SV2B: variants seen among roughly 807,000 people sequenced by gnomAD.
SV2B encodes solute carrier family 22 member B2.
A neutral mutation model predicts 73.9 loss-of-function variants in SV2B; 41 were observed. The ratio of observed to expected loss-of-function variants is 0.56; its 90% CI spans 0.43 to 0.72. The LOEUF (loss-of-function observed/expected upper bound fraction) is 0.72, where lower values mean the gene tolerates loss of function less well. SV2B is among the 30% of genes least tolerant of loss of function. SV2B has a pLI of 0.00. For synonymous variants in SV2B, 314 were observed against 314.2 expected (o/e 1.00, Z 0.01); for missense variants, 764 against 857.8 (o/e 0.89, Z 1.37).
chr15:91,155,458 T>C (rs1567297633), intron 1 of SV2B, among the ~76,000 whole-genome samples: 1 of 152,184 alleles, frequency 6.6e-6, no homozygotes, highest in South Asian at 2.1e-4. Flanking sequence ...TATTCAATGT[T>C]TACCTAGATC....
rs916142965 is a variant in SV2B, at chr15:91,290,917, G to A, written c.1868+1237G>A. On this transcript the variant is annotated intron_variant, in intron 12 of 12. Transcript: ENST00000394232. This position sits in a 1 kb window ranked among gnomAD's most constrained non-coding sequence, Gnocchi z 4.7. The stretch of plus-strand genomic sequence containing the variant: ...TAGTCCTAGCTGCTCAGGAGGCTGA[G>A]GGGGAGAGCTGCGAGAGCCCCGGGG... 6.6e-6 allele frequency among the ~76,000 whole-genome samples: 1 copy of A among 151,998 alleles called. No homozygotes were observed. The highest frequency in any genetic ancestry group is 1.5e-5 in the Non-Finnish European group (1 of 67,996).
rs550138137 is a variant in SV2B, at chr15:91,105,107, G to A, written c.-392+4744G>A. Reference sequence around the variant, plus strand: ...TTCATTCACTAAATAAATATTTATTGAGTGGTCTCTATGTGCCAGGCATGT... The same window carrying A: ...TTCATTCACTAAATAAATATTTATTAAGTGGTCTCTATGTGCCAGGCATGT... On this transcript the variant is annotated intron_variant, in intron 1 of 12. Transcript: ENST00000394232. This position sits in a 1 kb window ranked among gnomAD's most constrained non-coding sequence, Gnocchi z 5.5. Among the ~76,000 whole-genome samples the A allele has an allele frequency of 3.0e-4, 46 of 152,250 alleles. No individual in the cohort carries two copies. Among genetic ancestry groups the A allele is most frequent in the African/African-American group, 1.1e-3 (45 of 41,536 alleles).
chr15:91,272,911 C>T (rs2048363679), intron 9 of SV2B, among the ~76,000 whole-genome samples: 1 of 143,330 alleles, frequency 7.0e-6, no homozygotes, highest in Non-Finnish European at 1.5e-5. Flanking sequence ...CAGCTCACTA[C>T]AGTCTCCGCC....
In SV2B at chr15:91,226,324, C is replaced by G. The variant is rs141522931; in HGVS notation, c.61C>G (p.Arg21Gly). 4 of 1,613,946 alleles carry G rather than the reference C, an allele frequency of 2.5e-6. No individual in the cohort carries two copies. In the African/African-American group the frequency reaches 4.0e-5, roughly 16 times the overall value. The change falls in exon 2 of 13, where the codon CGC (arginine) becomes GGC (glycine). Residue 21 changes from arginine (R) to glycine (G), a missense_variant. Transcript: ENST00000394232. ...GGYAPSDGYYRGNESNPEEDA... is the reference protein window; with the variant it reads ...GGYAPSDGYYGGNESNPEEDA... ...CTATGCTCCCAGTGATGGCTATTAC[C>G]GCGGCAATGAGTCCAACCCAGAAGA...
chr15:91,266,891 C>G (rs2048124912), intron 7 of SV2B, 199 bp downstream of exon 7: 3 of 437,446 alleles, frequency 6.9e-6, no homozygotes, highest in Non-Finnish European at 1.2e-5. Flanking sequence ...TGAAAACTCT[C>G]TAAATCTTAG....
In SV2B at chr15:91,231,004, C is replaced by T. The variant is rs893121408; in HGVS notation, c.451+4290C>T. 6.6e-6 allele frequency among the ~76,000 whole-genome samples: 1 copy of T among 152,072 alleles called. No individual in the cohort carries two copies. On this transcript the variant is annotated intron_variant, in intron 2 of 12. Coordinates refer to ENST00000394232, the MANE Select transcript of SV2B (RefSeq NM_001323032.3). This position sits in a 1 kb window ranked among gnomAD's most constrained non-coding sequence, Gnocchi z 4.5. ...ATTGCTCTATTAATGATTGTGTGAC[C>T]TTGGGCCAATCTGAAGTCTTTCTTC...
At chr15:91,142,146 C>T (rs369220539) in intron 1 of SV2B, among the ~76,000 whole-genome samples, 1 of 152,226 alleles carries the variant, frequency 6.6e-6, no homozygotes, top group Non-Finnish European at 1.5e-5. Flanking sequence ...CCCCTTGACT[C>T]TGACTTCTGC....
Position 91,298,032 on chromosome 15 carries a change from C to T in SV2B, c.*5480C>T, listed in dbSNP as rs980405157. 8 of 152,248 alleles carry T rather than the reference C, an allele frequency of 5.3e-5. No homozygotes were observed. Among genetic ancestry groups the T allele is most frequent in the Admixed American group, 1.3e-4 (2 of 15,290 alleles). The allele number at this position is 152,248 out of a possible 1,614,324, so 9.4% of individuals were successfully genotyped here. ...GATGGACCTCTGATTCTATAAGCTT[C>T]CCCCTAGCTAGGGATGCACGGGGGT... On this transcript the variant is annotated 3_prime_UTR_variant, in exon 13 of 13. Coordinates refer to ENST00000394232, the MANE Select transcript of SV2B (RefSeq NM_001323032.3). The surrounding 1 kb of genome is among the most constrained non-coding windows in gnomAD (Gnocchi z 5.4).
At chr15:91,169,755 G>A (rs1183329087) in intron 1 of SV2B, among the ~76,000 whole-genome samples, 1 of 152,140 alleles carries the variant, frequency 6.6e-6, no homozygotes, top group Non-Finnish European at 1.5e-5. Context: ...GGGTAGCGGC[G>A]GAAGGGTGTG....
rs182417167 is a variant in SV2B at position 91,206,657 on chromosome 15, G to A, written c.-391-19216G>A. 3.5e-3 allele frequency among the ~76,000 whole-genome samples: 537 copies of A among 152,286 alleles called. 1 individual carries two copies. The highest frequency in any genetic ancestry group is 5.4e-3 in the Admixed American group (82 of 15,302). On this transcript the variant is annotated intron_variant, in intron 1 of 12. Transcript: ENST00000394232. ...CATAAAAATGTTTTGAATGAGTGGG[G>A]TTTGGGGTGGGTGTCCATTAAAAGG...
At chr15:91,158,688 TCTCTTCTCTTCTCTCCTCTC>T (rs2043587852) in intron 1 of SV2B, among the ~76,000 whole-genome samples, 1 of 58,928 alleles carries the variant, frequency 1.7e-5, no homozygotes. Context: ...TCTCTTCTCT[TCTCTTCTCTTCTCTCCTCTC>T]CTCTCCTCTC....
chr15:91,237,475 A>T (rs1469864487), intron 2 of SV2B, among the ~76,000 whole-genome samples: 1 of 152,256 alleles, frequency 6.6e-6, no homozygotes, highest in Non-Finnish European at 1.5e-5. Context: ...CTAACTGCCC[A>T]ATAGAATCAC....
At chr15:91,101,716 C>T in intron 1 of SV2B, 1 of 152,016 alleles carries the variant, frequency 6.6e-6, no homozygotes, top group East Asian at 1.9e-4. Flanking sequence ...GGGAGTGACC[C>T]ACATGACTCT....
chr15:91,171,844 G>C (rs1367352542), intron 1 of SV2B, among the ~76,000 whole-genome samples: 1 of 152,134 alleles, frequency 6.6e-6, no homozygotes, highest in East Asian at 1.9e-4. Context: ...TTGGCTGTTG[G>C]TGGATCTATC....
intron 1 of SV2B, among the ~76,000 whole-genome samples, chr15:91,209,130 T>G (rs1199708915): frequency 9.7e-5 from 14 of 144,284 alleles, no homozygotes; most frequent in Admixed American, 7.4e-4. Flanking sequence ...TTTTTTTTTT[T>G]TTTTTTTTTG....
At chr15:91,221,206 G>T (rs2046200371) in intron 1 of SV2B, among the ~76,000 whole-genome samples, 1 of 152,106 alleles carries the variant, frequency 6.6e-6, no homozygotes, top group Admixed American at 6.6e-5. Flanking sequence ...TATTAGATCG[G>T]ATTTAAATTG....
rs939972482 is a variant in SV2B, at chr15:91,258,735, G to A, written c.918+181G>A. Among the ~76,000 whole-genome samples the A allele has an allele frequency of 5.3e-5, 8 of 152,132 alleles. No individual in the cohort carries two copies. The highest frequency in any genetic ancestry group is 1.9e-4 in the African/African-American group (8 of 41,426). ...CACCTGCCGGCTGTGATGGTGGCAGGTCATGGATTCACGGACTGCAAATGC... is the reference window on the plus strand; with the variant it reads ...CACCTGCCGGCTGTGATGGTGGCAGATCATGGATTCACGGACTGCAAATGC... On this transcript the variant is annotated intron_variant, in intron 5 of 12. Coordinates refer to ENST00000394232, the MANE Select transcript of SV2B (RefSeq NM_001323032.3). The surrounding 1 kb of genome is among the most constrained non-coding windows in gnomAD (Gnocchi z 4.7).
At chr15:91,248,225 G>C (rs533659260) in intron 2 of SV2B, among the ~76,000 whole-genome samples, 31 of 152,260 alleles carry the variant, frequency 2.0e-4, no homozygotes, top group African/African-American at 6.0e-4. Context: ...GGAGGCTGAG[G>C]CAGGAGGATG....
intron 1 of SV2B, among the ~76,000 whole-genome samples, chr15:91,165,271 C>T (rs1004630410): frequency 1.3e-5 from 2 of 152,122 alleles, no homozygotes; most frequent in Admixed American, 6.5e-5. Context: ...GTAGAGGTTG[C>T]AGTGAGCCGA....
Sources: allele counts gnomAD v4.1 joint callset (sites outside exome capture counted in the v4.1 genomes callset), GRCh38; gene constraint gnomAD v4.1.1; non-coding constraint Gnocchi (gnomAD v3.1); transcripts MANE v1.5; gene names NCBI Gene and HGNC (gene_info 2026-07-23, HGNC 2026-07-21).